Variants in SNTG2 observed in about 807,000 individuals in gnomAD.
The protein encoded by SNTG2 is gamma-2-syntrophin.
In SNTG2, 74 loss-of-function variants were observed where a neutral mutation model predicts 70.9. The observed-to-expected ratio is 1.04, with a 90% confidence interval of 0.86 to 1.27. The LOEUF (loss-of-function observed/expected upper bound fraction) is 1.27. SNTG2 is among the 50% of genes most tolerant of loss of function. SNTG2 has a pLI of 0.00. For missense variants in SNTG2, 717 were observed against 690.7 expected (o/e 1.04, Z -0.43); for synonymous variants, 278 against 273.8 (o/e 1.02, Z -0.15).
intron 6 of SNTG2, among the ~76,000 whole-genome samples, chr2:1,152,584 GTGTGCACATGTGCATGTGTGTA>G (rs1669583758): frequency 7.9e-6 from 1 of 127,202 alleles, no homozygotes; most frequent in African/African-American, 3.8e-5. Flanking sequence ...GCATGTGTGT[GTGTGCACATGTGCATGTGTGTA>G]TGTGTGCACA....
rs2148184394 is a variant in SNTG2 at position 1,267,637 on chromosome 2, A to T, written c.1284+66A>T. The T allele has an allele frequency of 2.2e-6, 3 of 1,369,290 alleles. No homozygotes were observed. The South Asian group carries it at 3.6e-5, about 17-fold the overall frequency. The allele number at this position is 1,369,290 out of a possible 1,614,324, so 84.8% of individuals were successfully genotyped here. A position where few individuals can be genotyped will look rare whatever the true frequency, so the allele number is the denominator to read the frequency against. On this transcript the variant is annotated intron_variant, in intron 14 of 16. Coordinates refer to ENST00000308624, the MANE Select transcript of SNTG2 (RefSeq NM_018968.4). ...GGGTGTCTGAGACATAGCATTGGGG[A>T]ATATGTAGCAGTTTATCGGGGGAAA...
At chr2:1,007,056 TAA>T (rs72224648) in intron 1 of SNTG2, among the ~76,000 whole-genome samples, 56,442 of 151,558 alleles carry the variant, frequency 0.37, 11,056 homozygotes, top group Middle Eastern at 0.52. Context: ...AATAAATAAA[TAA>T]ATGTGTATAT....
chr2:1,134,369 A>T (rs865994136), intron 4 of SNTG2, among the ~76,000 whole-genome samples: 39 of 151,972 alleles, frequency 2.6e-4, no homozygotes, highest in African/African-American at 8.2e-4. Flanking sequence ...TTTTGACAGG[A>T]TGCTGATTGG....
Position 1,147,437 on chromosome 2 carries a change from C to T in SNTG2, c.411+9628C>T, listed in dbSNP as rs1182577214. Among the ~76,000 whole-genome samples, 4 of 152,276 alleles carry T rather than the reference C, an allele frequency of 2.6e-5. No individual in the cohort carries two copies. In the East Asian group the frequency reaches 7.7e-4, roughly 29 times the overall value. On this transcript the variant is annotated intron_variant, in intron 6 of 16. Coordinates refer to ENST00000308624, the MANE Select transcript of SNTG2 (RefSeq NM_018968.4). ...GAAAAATGTGAAAAGCCTAGATTGG[C>T]CTAGCCTCCCAGCCTACATCTTTCT...
chr2:966,635 G>A (rs1392076968), intron 1 of SNTG2, among the ~76,000 whole-genome samples: 1 of 152,156 alleles, frequency 6.6e-6, no homozygotes, highest in Non-Finnish European at 1.5e-5. Context: ...CAATGAAATA[G>A]AAAAGTATTT....
chr2:1,095,200 G>A (rs561328025), intron 2 of SNTG2, among the ~76,000 whole-genome samples: 1 of 152,270 alleles, frequency 6.6e-6, no homozygotes, highest in African/African-American at 2.4e-5. Context: ...CCTCCTACAG[G>A]CCCTACCTCC....
intron 4 of SNTG2, among the ~76,000 whole-genome samples, chr2:1,129,411 T>C (rs1220603860): frequency 6.6e-6 from 1 of 152,242 alleles, no homozygotes; most frequent in Non-Finnish European, 1.5e-5. Flanking sequence ...ATATCATTAT[T>C]TGAGAATTCC....
intron 14 of SNTG2, among the ~76,000 whole-genome samples, chr2:1,304,256 G>A (rs146476914): frequency 2.6e-5 from 4 of 152,224 alleles, no homozygotes; most frequent in Admixed American, 6.5e-5. Flanking sequence ...TCTTATATCC[G>A]ACTCCAGTTC....
chr2:1,255,863 AATATATAT>A (rs1427581051), intron 12 of SNTG2, among the ~76,000 whole-genome samples: 467 of 10,730 alleles, frequency 0.044, 14 homozygotes, highest in African/African-American at 0.1. Context: ...AATATATATA[AATATATAT>A]AAATATATAT....
intron 1 of SNTG2, among the ~76,000 whole-genome samples, chr2:1,081,450 G>C (rs1664290126): frequency 6.6e-6 from 1 of 152,216 alleles, no homozygotes; most frequent in African/African-American, 2.4e-5. Context: ...CACACTCATG[G>C]GGAAATACTG....
At chr2:1,047,400 G>T (rs1387006160) in intron 1 of SNTG2, among the ~76,000 whole-genome samples, 3 of 152,244 alleles carry the variant, frequency 2.0e-5, no homozygotes, top group Non-Finnish European at 2.9e-5. Context: ...ACCTCATGTG[G>T]GGCTTTAGGG....
chr2:1,008,544 C>T (rs986387408), intron 1 of SNTG2, among the ~76,000 whole-genome samples: 14 of 152,166 alleles, frequency 9.2e-5, no homozygotes, highest in Non-Finnish European at 1.9e-4. Context: ...TGCATTAAAA[C>T]ATGCATGAAT....
At chr2:1,267,004 C>T (rs189957475) in intron 13 of SNTG2, among the ~76,000 whole-genome samples, 130 of 152,260 alleles carry the variant, frequency 8.5e-4, no homozygotes, top group African/African-American at 2.9e-3. Flanking sequence ...CTCCTGGGCT[C>T]AAGCAATCCA....
chr2:1,313,637 T>C (rs1290467578), intron 15 of SNTG2, among the ~76,000 whole-genome samples: 1 of 152,092 alleles, frequency 6.6e-6, no homozygotes, highest in African/African-American at 2.4e-5. Context: ...AGAAAATCTG[T>C]GAAACAGTTA....
chr2:1,031,528 A>ATATATATATATATATATATATTTTTTT, intron 1 of SNTG2, among the ~76,000 whole-genome samples: 23 of 59,100 alleles, frequency 3.9e-4, no homozygotes, highest in Non-Finnish European at 5.7e-4. Context: ...ATATATATAT[A>ATATATATATATATATATATATTTTTTT]TTTTTTTTTT....
chr2:1,195,902 A>T (rs1053156088), intron 8 of SNTG2, among the ~76,000 whole-genome samples: 3 of 152,160 alleles, frequency 2.0e-5, no homozygotes, highest in East Asian at 1.9e-4. Flanking sequence ...CAGGAAAAAA[A>T]AAATAAACTC....
chr2:990,151 GC>G (rs1661443145), intron 1 of SNTG2, among the ~76,000 whole-genome samples: 1 of 152,180 alleles, frequency 6.6e-6, no homozygotes, highest in South Asian at 2.1e-4. Flanking sequence ...TTTACTAAAG[GC>G]AAAGAGCTCA....
rs750386464 is a variant in SNTG2 at position 1,247,414 on chromosome 2, C to CCGTCCTTCTACGTTT, written c.977_991dup (p.Val330_Phe331insSerSerPheTyrVal). Reference sequence around the variant, plus strand: ...ACCCAAGTTCCTAGCACTGAAGGGCCCGTCCTTCTACGTTTTCAGCACTCC... The same window carrying CCGTCCTTCTACGTTT: ...ACCCAAGTTCCTAGCACTGAAGGGCCCGTCCTTCTACGTTTCGTCCTTCTACGTTTTCAGCACTCC... On this transcript the variant is annotated inframe_insertion, in exon 12 of 17. Transcript: ENST00000308624. 49 of 1,613,484 alleles carry CCGTCCTTCTACGTTT rather than the reference C, an allele frequency of 3.0e-5. 1 individual carries two copies. Among genetic ancestry groups the CCGTCCTTCTACGTTT allele is most frequent in the Non-Finnish European group, 3.7e-5 (44 of 1,179,590 alleles).
At chr2:1,154,334 TTCCAGTTTTAAGGCG>T (rs1669715075) in intron 6 of SNTG2, among the ~76,000 whole-genome samples, 1 of 152,224 alleles carries the variant, frequency 6.6e-6, no homozygotes, top group Non-Finnish European at 1.5e-5. Flanking sequence ...CTGCCTGTCC[TTCCAGTTTTAAGGCG>T]AGCGGGATGG....
Sources: gnomAD v4.1 joint callset for allele counts (sites outside exome capture counted in the v4.1 genomes callset) on GRCh38, gnomAD v4.1.1 for gene constraint, MANE v1.5 for transcripts, NCBI Gene and HGNC (gene_info 2026-07-23, HGNC 2026-07-21) for gene names.